DLL1: variants seen among roughly 807,000 people sequenced by gnomAD.
The protein encoded by DLL1 is delta-like protein 1.
Under a neutral mutation model 75.1 loss-of-function variants are expected in DLL1, and 9 were observed. That is an observed-to-expected ratio of 0.12 (90% confidence interval 0.07 to 0.21). DLL1 has a LOEUF of 0.21. DLL1 is among the 10% of genes least tolerant of loss of function. The pLI, the probability that DLL1 is intolerant of heterozygous loss-of-function variation, is 1.00. For missense variants in DLL1, 837 were observed against 1,007.6 expected, an observed-to-expected ratio of 0.83 and a Z score of 2.29; for synonymous variants, 477 against 418.3, an observed-to-expected ratio of 1.14 and a Z score of -1.71.
Position 170,283,361 on chromosome 6 carries a change from C to T in DLL1, c.1918G>A (p.Asp640Asn). 1.2e-5 allele frequency: 20 copies of T among 1,612,466 alleles called. No homozygotes were observed. The highest frequency in any genetic ancestry group is 1.7e-5 in the Non-Finnish European group (20 of 1,180,038). The change falls in exon 9 of 11, where the codon GAC (aspartate) becomes AAC (asparagine). Residue 640 changes from aspartate to asparagine, a missense_variant. Around this residue, in one of 2 missense-constraint regions of DLL1, gnomAD observed 533 missense variants for 545.7 expected, o/e 0.98. Transcript: ENST00000366756. ...NGFKARYPAV[D>N]YNLVQDLKGD... ...TTGAGGTCCTGCACGAGGTTATAGT[C>T]CACCGCTGGGTAGCGGGCCTTGAAG... is the stretch of plus-strand genomic sequence containing the variant.
chr6:170,283,187 AC>A, intron 9 of DLL1, 43 bp downstream of exon 9: 1 of 1,612,476 alleles, frequency 6.2e-7, no homozygotes, highest in Middle Eastern at 1.6e-4. Context: ...CCAGGAAGAC[AC>A]CCCCCAGGTA....
Position 170,282,327 on chromosome 6 carries a change from A to G in DLL1, c.*547T>C, listed in dbSNP as rs1783574688. On this transcript the variant is annotated 3_prime_UTR_variant, in exon 11 of 11. Transcript: ENST00000366756. ...CCATAAATACATTTATATACAAAAA[A>G]ATATAGTCACATAGACCCGAAGTGC... The G allele has an allele frequency of 6.4e-6, 1 of 156,378 alleles. No individual in the cohort carries two copies. Among genetic ancestry groups the G allele is most frequent in the African/African-American group, 2.4e-5 (1 of 41,524 alleles). 9.7% of individuals were successfully genotyped at this position (156,378 alleles called of 1,614,324 possible). A position where few individuals can be genotyped will look rare whatever the true frequency, so the allele number is the denominator to read the frequency against.
At position 170,282,996 on chromosome 6, in the gene DLL1, C is replaced by A; in HGVS notation, c.2158G>T (p.Ala720Ser). ...CTGCTGCCTGCACTGACCTCAGTTG[C>A]TATGACGCACTCATCCTTCTCCTCG... ...ISEEKDECVI[A>S]TEV Residue 720 changes from alanine (A) to serine (S), a missense_variant, in exon 10 of 11, where the codon GCA becomes TCA. Coordinates refer to ENST00000366756, the MANE Select transcript of DLL1 (RefSeq NM_005618.4). The A allele has an allele frequency of 1.2e-6, 2 of 1,614,172 alleles. No homozygotes were observed. Among genetic ancestry groups the A allele is most frequent in the South Asian group, 2.2e-5 (2 of 91,088 alleles).
Position 170,283,280 on chromosome 6 carries a change from G to T in DLL1, c.1999C>A (p.Pro667Thr). Residue 667 changes from proline to threonine, a missense_variant, in exon 9 of 11, where the codon CCC becomes ACC. By Grantham distance (38) the Pro-to-Thr change is conservative (BLOSUM62 -1). This residue lies in a region of DLL1 where 533 missense variants were observed against 545.7 expected (regional missense o/e 0.98). Coordinates refer to ENST00000366756, the MANE Select transcript of DLL1 (RefSeq NM_005618.4). The part of the protein sequence containing the change: ...AHSKRDTKCQ[P>T]QGSSGEEKGT... The stretch of plus-strand genomic sequence containing the variant: ...TTCTCCTCCCCTGAGGAGCCCTGGG[G>T]CTGGCACTTGGTGTCACGCTTGCTG... 7 of 1,613,064 alleles carry T rather than the reference G, an allele frequency of 4.3e-6. No individual in the cohort carries two copies. In the South Asian group the frequency reaches 6.6e-5, roughly 15 times the overall value.
chr6:170,289,888 G>T, intron 1 of DLL1, 80 bp from the exon 2 acceptor site: 1 of 1,457,900 alleles, frequency 6.9e-7, no homozygotes, highest in Non-Finnish European at 9.2e-7. Context: ...GGGGGTGTGC[G>T]GAGAGCCTGG....
At chr6:170,289,161 A>T in intron 2 of DLL1, 1 of 593,646 alleles carries the variant, frequency 1.7e-6, no homozygotes. Flanking sequence ...TGCGCGGGTA[A>T]TCGCGCCACC....
Position 170,291,024 on chromosome 6 carries a change from C to G in DLL1, c.-885G>C. On this transcript the variant is annotated 5_prime_UTR_variant, in exon 1 of 11. Coordinates refer to ENST00000366756, the MANE Select transcript of DLL1 (RefSeq NM_005618.4). ...AGCCCCCCAATCTGGCGAGAGCTGT[C>G]ACAAAGGAGCCACTTTTCCAAACCC... The G allele has an allele frequency of 1.4e-6, 1 of 702,076 alleles. No homozygotes were observed. Among genetic ancestry groups the G allele is most frequent in the Non-Finnish European group, 2.6e-6 (1 of 384,692 alleles). 43.5% of individuals were successfully genotyped at this position (702,076 alleles called of 1,614,324 possible). A position where few individuals can be genotyped will look rare whatever the true frequency, so the allele number is the denominator to read the frequency against.
Position 170,290,904 on chromosome 6 carries a change from CTCCG to C in DLL1, c.-769_-766del, listed in dbSNP as rs1281960175. 2 of 693,844 alleles carry C rather than the reference CTCCG, an allele frequency of 2.9e-6. No homozygotes were observed. The highest frequency in any genetic ancestry group is 5.3e-6 in the Non-Finnish European group (2 of 380,614). 43.0% of individuals were successfully genotyped at this position (693,844 alleles called of 1,614,324 possible). A position where few individuals can be genotyped will look rare whatever the true frequency, so the allele number is the denominator to read the frequency against. ...CGCTCTGCCCTCGGCCGGGTCGGGT[CTCCG>C]CGGGTGCGCGCAGAGGATCTGGCTC... On this transcript the variant is annotated 5_prime_UTR_variant, in exon 1 of 11. Coordinates refer to ENST00000366756, the MANE Select transcript of DLL1 (RefSeq NM_005618.4). The surrounding 1 kb of genome is among the most constrained non-coding windows in gnomAD (Gnocchi z 4.7).
rs753077409 is a variant in DLL1 at position 170,285,029 on chromosome 6, C to T, written c.1139G>A (p.Arg380Gln). 11 of 1,613,996 alleles carry T rather than the reference C, an allele frequency of 6.8e-6. No individual in the cohort carries two copies. Among genetic ancestry groups the T allele is most frequent in the Admixed American group, 3.3e-5 (2 of 59,990 alleles). Residue 380 changes from arginine to glutamine, a missense_variant, in exon 8 of 11, where the codon CGG becomes CAG. Physicochemically the swap from Arg to Gln is conservative, Grantham distance 43. Around this residue, in one of 2 missense-constraint regions of DLL1, gnomAD observed 533 missense variants for 545.7 expected, o/e 0.98. Transcript: ENST00000366756. ...CADGPCFNGGRCSDSPDGGYS... is the reference protein window; with the variant it reads ...CADGPCFNGGQCSDSPDGGYS... ...CCCTCCATCGGGGCTGTCTGAGCAC[C>T]GACCCCCGTTAAAGCAAGGGCCGTC...
rs756878914 is a variant in DLL1 at position 170,286,306 on chromosome 6, C to A, written c.671-8G>T. The A allele has an allele frequency of 2.0e-5, 33 of 1,614,066 alleles. No homozygotes were observed. Among genetic ancestry groups the A allele is most frequent in the African/African-American group, 4.0e-5 (3 of 74,918 alleles). On this transcript the variant is annotated splice_region_variant and splice_polypyrimidine_tract_variant and intron_variant, in intron 4 of 10. Transcript: ENST00000366756. ...ATCCAGGCAGGCAGATCGCTACAAG[C>A]AAAGGAAAAACAGGGTCAAGCCCCA... is the stretch of plus-strand genomic sequence containing the variant.
intron 8 of DLL1, 81 bp from the exon 9 acceptor site, chr6:170,284,110 T>C: frequency 6.6e-7 from 1 of 1,512,322 alleles, no homozygotes; most frequent in South Asian, 1.2e-5. Flanking sequence ...TCTATCTGTC[T>C]GACACTGTAG....
At chr6:170,286,999 G>A (rs1293866842) in intron 4 of DLL1, among the ~76,000 whole-genome samples, 1 of 152,216 alleles carries the variant, frequency 6.6e-6, no homozygotes, top group Non-Finnish European at 1.5e-5. Flanking sequence ...AGGAAGGGTG[G>A]GAGGCAGCAG....
chr6:170,283,647 G>A lies in DLL1; in HGVS notation c.1632C>T (p.Pro544=), dbSNP rs1172392023. The A allele has an allele frequency of 2.5e-6, 4 of 1,600,990 alleles. No individual in the cohort carries two copies. The highest frequency in any genetic ancestry group is 1.1e-5 in the South Asian group (1 of 89,956). ...EKLEGQGGPF[P]WVAVCAGVIL... ...TGACCCCGGCGCACACGGCCACCCA[G>A]GGGAATGGCCCGCCCTGGCCCTCTA... Residue 544 remains proline (P), a synonymous_variant, in exon 9 of 11, where the codon CCC becomes CCT. Transcript: ENST00000366756.
chr6:170,289,264 C>A (rs2738821), intron 2 of DLL1: 1 of 695,714 alleles, frequency 1.4e-6, no homozygotes, highest in Non-Finnish European at 2.6e-6. Flanking sequence ...CGGAAATCTC[C>A]CGGGCGCGCT....
rs1246207934 is a variant in DLL1, at chr6:170,290,667, G to A, written c.-528C>T. On this transcript the variant is annotated 5_prime_UTR_variant, in exon 1 of 11. Coordinates refer to ENST00000366756, the MANE Select transcript of DLL1 (RefSeq NM_005618.4). This position sits in a 1 kb window ranked among gnomAD's most constrained non-coding sequence, Gnocchi z 4.7. ...GCTGAGGGGACGGTCGGCGGCGGCG[G>A]GTGTGCGCGGCGGCCCCTGCGGATC... 3 of 294,706 alleles carry A rather than the reference G, an allele frequency of 1.0e-5. No individual in the cohort carries two copies. Among genetic ancestry groups the A allele is most frequent in the African/African-American group, 4.5e-5 (2 of 44,166 alleles). The allele number at this position is 294,706 out of a possible 1,614,324, so 18.3% of individuals were successfully genotyped here. A position where few individuals can be genotyped will look rare whatever the true frequency, so the allele number is the denominator to read the frequency against.
rs1309979668 is a variant in DLL1, at chr6:170,285,247, G to A, written c.1032+7C>T. On this transcript the variant is annotated splice_region_variant and intron_variant, in intron 7 of 10. Coordinates refer to ENST00000366756, the MANE Select transcript of DLL1 (RefSeq NM_005618.4). ...CCGGGTGAGATGCCATGGAGCCTCCGACTCACCGTGCAGCTCCCTCCGTTC... is the reference window on the plus strand; with the variant it reads ...CCGGGTGAGATGCCATGGAGCCTCCAACTCACCGTGCAGCTCCCTCCGTTC... 1.3e-5 allele frequency: 21 copies of A among 1,613,974 alleles called. No homozygotes were observed. The highest frequency in any genetic ancestry group is 2.7e-5 in the African/African-American group (2 of 74,916).
Position 170,289,495 on chromosome 6 carries a change from G to A in DLL1, c.351+17C>T, listed in dbSNP as rs768416843. On this transcript the variant is annotated intron_variant, in intron 2 of 10. Coordinates refer to ENST00000366756, the MANE Select transcript of DLL1 (RefSeq NM_005618.4). ...CAGCTTCAGGGCCGGCCCGGCGCGCGCAGGTGCGGCACTCACCGGCCAGGT... is the reference window on the plus strand; with the variant it reads ...CAGCTTCAGGGCCGGCCCGGCGCGCACAGGTGCGGCACTCACCGGCCAGGT... 1.4e-5 allele frequency: 22 copies of A among 1,528,804 alleles called. No individual in the cohort carries two copies. Among genetic ancestry groups the A allele is most frequent in the Non-Finnish European group, 1.7e-5 (19 of 1,143,716 alleles). 94.7% of individuals were successfully genotyped at this position (1,528,804 alleles called of 1,614,324 possible). A position where few individuals can be genotyped will look rare whatever the true frequency, so the allele number is the denominator to read the frequency against.
intron 4 of DLL1, among the ~76,000 whole-genome samples, chr6:170,287,865 G>C (rs1035349329): frequency 2.6e-5 from 4 of 152,160 alleles, no homozygotes; most frequent in Non-Finnish European, 5.9e-5. Context: ...GGGTTGAAAT[G>C]GTGCCCCTGA....
In DLL1 at chr6:170,290,850, T is replaced by C. The variant is rs893624001; in HGVS notation, c.-711A>G. 1.5e-6 allele frequency: 1 copy of C among 650,680 alleles called. No homozygotes were observed. Among genetic ancestry groups the C allele is most frequent in the African/African-American group, 1.8e-5 (1 of 55,976 alleles). The allele number at this position is 650,680 out of a possible 1,614,324, so 40.3% of individuals were successfully genotyped here. On this transcript the variant is annotated 5_prime_UTR_variant, in exon 1 of 11. Coordinates refer to ENST00000366756, the MANE Select transcript of DLL1 (RefSeq NM_005618.4). The surrounding 1 kb of genome is among the most constrained non-coding windows in gnomAD (Gnocchi z 4.7). ...GAGGGGCCGGGCCGTGGGAGGAGGC[T>C]CTGCGCCGCGGCTGCCCGGGTTCCC...
Sources: allele counts gnomAD v4.1 joint callset (sites outside exome capture counted in the v4.1 genomes callset), GRCh38; gene constraint gnomAD v4.1.1; regional missense constraint gnomAD v4.1.1; non-coding constraint Gnocchi (gnomAD v3.1); transcripts MANE v1.5; gene names NCBI Gene and HGNC (gene_info 2026-07-23, HGNC 2026-07-21).